PDZD2: variants seen among roughly 807,000 people sequenced by gnomAD.
PDZD2 encodes PDZ domain-containing protein 2.
A neutral mutation model predicts 220.7 loss-of-function variants in PDZD2; 90 were observed. The ratio of observed to expected loss-of-function variants is 0.41; its 90% CI spans 0.34 to 0.49. The LOEUF (loss-of-function observed/expected upper bound fraction) is 0.49, where lower values mean the gene tolerates loss of function less well. PDZD2 is among the 20% of genes least tolerant of loss of function. The pLI is 0.28. For synonymous variants in PDZD2, 1,375 were observed against 1,450.5 expected (o/e 0.95, Z 1.18); for missense variants, 3,174 against 3,608.5 (o/e 0.88, Z 3.08).
chr5:32,001,604 G>T (rs1752112779), intron 5 of PDZD2, among the ~76,000 whole-genome samples: 1 of 152,202 alleles, frequency 6.6e-6, no homozygotes, highest in Non-Finnish European at 1.5e-5. Context: ...AGGCAGGCCA[G>T]AGCTTCTTTC....
intron 2 of PDZD2, among the ~76,000 whole-genome samples, chr5:31,887,367 C>T (rs1295287382): frequency 6.6e-6 from 1 of 152,114 alleles, no homozygotes; most frequent in Admixed American, 6.6e-5. Flanking sequence ...TTTTGGTGTC[C>T]TGGGTCACCC....
intron 2 of PDZD2, among the ~76,000 whole-genome samples, chr5:31,931,358 A>C (rs1288896986): frequency 6.6e-6 from 1 of 152,128 alleles, no homozygotes; most frequent in Admixed American, 6.5e-5. Context: ...GGGTTTCACC[A>C]TGTTGGCCAG....
At chr5:31,927,887 T>G (rs957888978) in intron 2 of PDZD2, among the ~76,000 whole-genome samples, 1 of 152,172 alleles carries the variant, frequency 6.6e-6, no homozygotes. Context: ...CACACCGACA[T>G]GCACTTGCTC....
Position 31,729,021 on chromosome 5 carries a change from A to G in PDZD2, c.-360-69868A>G, listed in dbSNP as rs79996169. 4.1e-3 allele frequency among the ~76,000 whole-genome samples: 608 copies of G among 149,990 alleles called. 4 individuals are homozygous for G. Among genetic ancestry groups the G allele is most frequent in the African/African-American group, 0.014 (557 of 40,814 alleles). ...AGGCTGAGCCACCGCGCCCGGCCGC[A>G]ATGTGCATCTTCTATGGTCTATTAG... On this transcript the variant is annotated intron_variant, in intron 1 of 24. Transcript: ENST00000438447.
At chr5:32,033,893 A>G (rs1342705474) in intron 6 of PDZD2, among the ~76,000 whole-genome samples, 1 of 152,160 alleles carries the variant, frequency 6.6e-6, no homozygotes, top group Non-Finnish European at 1.5e-5. Flanking sequence ...TGCTGGGATT[A>G]CAGGTGTGAA....
rs554166025 is a variant in PDZD2, at chr5:31,814,719, G to A, written c.476+14995G>A. ...TGTAATCCCAGCAACTTGGGAGACT[G>A]AGGCACAAGAATCGCTTGAACCTGG... On this transcript the variant is annotated intron_variant, in intron 2 of 24. Transcript: ENST00000438447. 1.7e-4 allele frequency among the ~76,000 whole-genome samples: 26 copies of A among 152,094 alleles called. No individual in the cohort carries two copies. The East Asian group carries it at 5.0e-3, about 29-fold the overall frequency.
intron 1 of PDZD2, among the ~76,000 whole-genome samples, chr5:31,690,840 T>C (rs976030399): frequency 5.3e-5 from 8 of 152,204 alleles, no homozygotes; most frequent in Admixed American, 2.0e-4. Flanking sequence ...AAACATATTT[T>C]TTTGGGGGGC....
At chr5:31,649,937 CAAAAAA>C (rs6148975) in intron 1 of PDZD2, among the ~76,000 whole-genome samples, 8 of 73,498 alleles carry the variant, frequency 1.1e-4, no homozygotes, top group East Asian at 3.6e-4. Context: ...GACTCCGTCT[CAAAAAA>C]AAAAAAAAAA....
chr5:31,814,596 G>T (rs1204817776), intron 2 of PDZD2, among the ~76,000 whole-genome samples: 1 of 152,160 alleles, frequency 6.6e-6, no homozygotes. Flanking sequence ...GCCAAGGCAG[G>T]TGGATCACCT....
chr5:31,890,893 A>G (rs1200797544), intron 2 of PDZD2, among the ~76,000 whole-genome samples: 1 of 152,102 alleles, frequency 6.6e-6, no homozygotes, highest in Admixed American at 6.6e-5. Flanking sequence ...TTGTGGTCCT[A>G]GTCTATCTTT....
chr5:31,806,532 T>C (rs1341313321), intron 2 of PDZD2, among the ~76,000 whole-genome samples: 1 of 152,200 alleles, frequency 6.6e-6, no homozygotes, highest in African/African-American at 2.4e-5. Flanking sequence ...TAGAGAACTT[T>C]CTGGGAAGGG....
chr5:31,996,133 C>G (rs899020187), intron 4 of PDZD2, among the ~76,000 whole-genome samples: 1 of 152,180 alleles, frequency 6.6e-6, no homozygotes, highest in East Asian at 1.9e-4. Flanking sequence ...TTCAGTCCGA[C>G]CACAGTTCAT....
chr5:31,967,292 T>C (rs1310316272), intron 2 of PDZD2, among the ~76,000 whole-genome samples: 3 of 152,174 alleles, frequency 2.0e-5, no homozygotes, highest in African/African-American at 7.2e-5. Context: ...CCTTCTGAGA[T>C]ACATGGACCC....
Position 31,656,730 on chromosome 5 carries a change from A to G in PDZD2, c.-361+17293A>G, listed in dbSNP as rs186027284. ...ACCATGTTTGAAAATGATGTATTCA[A>G]GAAAGCTCAGATACAATCTCTTTTG... On this transcript the variant is annotated intron_variant, in intron 1 of 24. Coordinates refer to ENST00000438447, the MANE Select transcript of PDZD2 (RefSeq NM_178140.4). 2.8e-4 allele frequency among the ~76,000 whole-genome samples: 42 copies of G among 152,366 alleles called. No homozygotes were observed. The Middle Eastern group carries it at 0.014, about 49-fold the overall frequency.
At chr5:31,942,976 G>GTCCC (rs1561146244) in intron 2 of PDZD2, among the ~76,000 whole-genome samples, 7 of 152,206 alleles carry the variant, frequency 4.6e-5, no homozygotes, top group Non-Finnish European at 7.3e-5. Context: ...CCCAAGGCGG[G>GTCCC]TGGATCACCT....
chr5:31,875,450 G>A (rs1461448699), intron 2 of PDZD2, among the ~76,000 whole-genome samples: 1 of 151,648 alleles, frequency 6.6e-6, no homozygotes, highest in Non-Finnish European at 1.5e-5. Flanking sequence ...GCTGGGCGTG[G>A]TCGCTCATGC....
rs754176547 is a variant in PDZD2 at position 31,799,286 on chromosome 5, C to A, written c.38C>A (p.Pro13His). The A allele has an allele frequency of 6.2e-7, 1 of 1,612,504 alleles. No homozygotes were observed. The highest frequency in any genetic ancestry group is 8.5e-7 in the Non-Finnish European group (1 of 1,179,080). Residue 13 changes from proline to histidine, a missense_variant, in exon 2 of 25, where the codon CCC becomes CAC. This residue lies in a region of PDZD2 where 632 missense variants were observed against 708.1 expected (regional missense o/e 0.89). Transcript: ENST00000438447. ...CAGGACAATGCCGTGCTGCACCTGCCCCTCCTCTACCAGTGGCTGCAGAAC... is the reference window on the plus strand; with the variant it reads ...CAGGACAATGCCGTGCTGCACCTGCACCTCCTCTACCAGTGGCTGCAGAAC... ...ITQDNAVLHLPLLYQWLQNSL... is the reference protein window; with the variant it reads ...ITQDNAVLHLHLLYQWLQNSL...
At chr5:31,931,445 G>A (rs181509155) in intron 2 of PDZD2, among the ~76,000 whole-genome samples, 59 of 152,274 alleles carry the variant, frequency 3.9e-4, no homozygotes, top group South Asian at 1.5e-3. Context: ...GGCGTGAGGC[G>A]CTGTGCCTGG....
intron 2 of PDZD2, among the ~76,000 whole-genome samples, chr5:31,818,811 ATTAAT>A (rs568887171): frequency 3.4e-4 from 52 of 152,288 alleles, no homozygotes; most frequent in Admixed American, 2.9e-3. Context: ...CTAATTCTCC[ATTAAT>A]TTAATTTTTT....
Sources: gnomAD v4.1 joint callset for allele counts (sites outside exome capture counted in the v4.1 genomes callset) on GRCh38, gnomAD v4.1.1 for gene constraint, gnomAD v4.1.1 regional missense constraint, MANE v1.5 for transcripts, NCBI Gene and HGNC (gene_info 2026-07-23, HGNC 2026-07-21) for gene names.